The following RBFOX1 variants were observed in gnomAD, a reference collection of about 807,000 sequenced individuals.
RBFOX1 encodes RNA binding protein fox-1 homolog 1.
Under a neutral mutation model 57.7 loss-of-function variants are expected in RBFOX1, and 8 were observed. The ratio of observed to expected loss-of-function variants is 0.14; its 90% CI spans 0.08 to 0.25. The LOEUF (loss-of-function observed/expected upper bound fraction) is 0.25. Ranked by LOEUF, RBFOX1 falls within the 10% of genes least tolerant of loss-of-function variation. The pLI is 1.00. For missense variants in RBFOX1, 611 were observed against 548.5 expected (o/e 1.11, Z -1.14); for synonymous variants, 326 against 222.4 (o/e 1.47, Z -4.15).
At chr16:7,414,255 G>A (rs2098458015) in intron 4 of RBFOX1, among the ~76,000 whole-genome samples, 2 of 152,226 alleles carry the variant, frequency 1.3e-5, no homozygotes, top group Admixed American at 1.3e-4. Flanking sequence ...GCTCACCTTG[G>A]TGGAGATGAT....
At position 7,612,113 on chromosome 16, in the gene RBFOX1, G is replaced by A. The variant is rs1477310231; in HGVS notation, c.676+4775G>A. On this transcript the variant is annotated intron_variant, in intron 10 of 15. Transcript: ENST00000550418. ...GAGGCAGGTGGATCACGAGGTCAGG[G>A]GATTGAGACCATCCTGGCTAACACG... is the stretch of plus-strand genomic sequence containing the variant. Among the ~76,000 whole-genome samples the A allele has an allele frequency of 4.6e-5, 7 of 151,706 alleles. No individual in the cohort carries two copies. In the East Asian group the frequency reaches 1.2e-3, roughly 25 times the overall value.
chr16:5,406,634 A>T (rs768137379), intron 1 of RBFOX1, among the ~76,000 whole-genome samples: 1 of 151,930 alleles, frequency 6.6e-6, no homozygotes, highest in East Asian at 1.9e-4. Context: ...ATATGCATGC[A>T]TGTGTGTATA....
chr16:7,501,549 C>G (rs1407725132), intron 4 of RBFOX1, among the ~76,000 whole-genome samples: 1 of 152,182 alleles, frequency 6.6e-6, no homozygotes, highest in Non-Finnish European at 1.5e-5. Flanking sequence ...GTCTTCAGCC[C>G]AGCTCTATAT....
chr16:6,797,964 ACGGTGATGGTGATAG>A (rs899346559), intron 3 of RBFOX1, among the ~76,000 whole-genome samples: 15 of 152,064 alleles, frequency 9.9e-5, no homozygotes, highest in African/African-American at 2.7e-4. Flanking sequence ...GATGGTGATC[ACGGTGATGGTGATAG>A]CGGTGATGGT....
chr16:5,617,103 T>TTCCC (rs1386627984), intron 3 of RBFOX1, among the ~76,000 whole-genome samples: 4 of 151,570 alleles, frequency 2.6e-5, no homozygotes, highest in African/African-American at 7.3e-5. Context: ...CACTCCCTCC[T>TTCCC]TCCCTCCCTC....
chr16:7,427,007 T>G (rs2098624386), intron 4 of RBFOX1, among the ~76,000 whole-genome samples: 2 of 152,124 alleles, frequency 1.3e-5, no homozygotes, highest in African/African-American at 2.4e-5. Context: ...AGCAAACTAT[T>G]GAAAGGACAG....
At chr16:5,449,471 A>G (rs1279279154) in intron 1 of RBFOX1, among the ~76,000 whole-genome samples, 1 of 152,154 alleles carries the variant, frequency 6.6e-6, no homozygotes, top group Non-Finnish European at 1.5e-5. Context: ...CAGACCCTAA[A>G]CACTACAAGG....
chr16:6,488,234 G>T (rs967493741), intron 2 of RBFOX1, among the ~76,000 whole-genome samples: 9 of 152,150 alleles, frequency 5.9e-5, no homozygotes, highest in Admixed American at 6.5e-5. Flanking sequence ...TTTCTTTGTT[G>T]TTTAGTTGTA....
At chr16:6,849,690 AC>A (rs1050139177) in intron 3 of RBFOX1, among the ~76,000 whole-genome samples, 3 of 152,150 alleles carry the variant, frequency 2.0e-5, no homozygotes, top group Non-Finnish European at 2.9e-5. Context: ...ACAAAATAAA[AC>A]AAAAAAAACT....
intron 2 of RBFOX1, among the ~76,000 whole-genome samples, chr16:6,329,186 AGTT>A (rs2082717688): frequency 1.3e-5 from 2 of 152,182 alleles, no homozygotes; most frequent in South Asian, 4.2e-4. Flanking sequence ...AGTGGAAAGC[AGTT>A]GTTGTTCCTA....
chr16:6,930,386 A>G (rs1489062428), intron 3 of RBFOX1, among the ~76,000 whole-genome samples: 1 of 152,112 alleles, frequency 6.6e-6, no homozygotes, highest in Admixed American at 6.6e-5. Flanking sequence ...ATACCACCTC[A>G]CACCCATCAG....
At chr16:5,279,649 C>G (rs1240308595) in intron 1 of RBFOX1, among the ~76,000 whole-genome samples, 1 of 152,064 alleles carries the variant, frequency 6.6e-6, no homozygotes, top group Non-Finnish European at 1.5e-5. Flanking sequence ...TTACAGGCAC[C>G]TACCACCATG....
At chr16:5,498,877 G>T (rs1027911888) in intron 2 of RBFOX1, among the ~76,000 whole-genome samples, 10 of 152,172 alleles carry the variant, frequency 6.6e-5, no homozygotes, top group Admixed American at 3.3e-4. Context: ...CCTCTGTAAG[G>T]CCTTTGGCCA....
intron 4 of RBFOX1, among the ~76,000 whole-genome samples, chr16:7,421,490 G>A (rs918342572): frequency 2.6e-5 from 4 of 152,220 alleles, no homozygotes; most frequent in African/African-American, 7.2e-5. Context: ...TTTGGCAATA[G>A]TGACATTTCC....
At chr16:5,952,790 G>C (rs138705876) in intron 4 of RBFOX1, among the ~76,000 whole-genome samples, 20 of 152,236 alleles carry the variant, frequency 1.3e-4, no homozygotes, top group Admixed American at 5.2e-4. Flanking sequence ...ACCTGGGAGA[G>C]TTTCTCCAGG....
At position 6,026,282 on chromosome 16, in the gene RBFOX1, G is replaced by T. The variant is rs181594792; in HGVS notation, c.-127+6290G>T. On this transcript the variant is annotated intron_variant, in intron 1 of 15. Transcript: ENST00000550418. ...TCCTTAGCATCTAGCGTGGTGCAAG[G>T]CACACAGCAGAAGCCCCATATGGAA... Among the ~76,000 whole-genome samples the T allele has an allele frequency of 1.6e-4, 24 of 152,300 alleles. No individual in the cohort carries two copies. The East Asian group carries it at 4.6e-3, about 29-fold the overall frequency.
intron 11 of RBFOX1, among the ~76,000 whole-genome samples, chr16:7,647,928 A>G (rs1015453309): frequency 1.3e-5 from 2 of 152,222 alleles, no homozygotes; most frequent in Non-Finnish European, 2.9e-5. Context: ...TTCTCTTTCT[A>G]TGTGGTCAAA....
At chr16:6,968,550 G>A (rs2084804483) in intron 3 of RBFOX1, among the ~76,000 whole-genome samples, 2 of 152,112 alleles carry the variant, frequency 1.3e-5, no homozygotes, top group Non-Finnish European at 2.9e-5. Context: ...AGAAGAGGAA[G>A]TCTGGCAGGG....
At chr16:6,071,591 A>G (rs2095838789) in intron 1 of RBFOX1, among the ~76,000 whole-genome samples, 1 of 152,208 alleles carries the variant, frequency 6.6e-6, no homozygotes, top group South Asian at 2.1e-4. Context: ...ATTAGTCTAG[A>G]GTGAAAAATT....
Sources: gnomAD v4.1 joint callset for allele counts (sites outside exome capture counted in the v4.1 genomes callset) on GRCh38, gnomAD v4.1.1 for gene constraint, MANE v1.5 for transcripts, NCBI Gene and HGNC (gene_info 2026-07-23, HGNC 2026-07-21) for gene names.